The following FBXW12 variants were observed in gnomAD, a reference collection of about 807,000 sequenced individuals.
The protein encoded by FBXW12 is F-box and WD repeat domain containing 12, also known as F-box/WD repeat-containing protein 12.
Under a neutral mutation model 55.3 loss-of-function variants are expected in FBXW12, and 43 were observed. That is an observed-to-expected ratio of 0.78 (90% CI 0.61 to 1.00). The LOEUF (loss-of-function observed/expected upper bound fraction) is 1.00, where lower values mean the gene tolerates loss of function less well. FBXW12 is among the 50% of genes least tolerant of loss of function. The pLI, the probability that FBXW12 is intolerant of heterozygous loss-of-function variation, is 0.00. For missense variants in FBXW12, 524 were observed against 560.5 expected (o/e 0.93, Z 0.66); for synonymous variants, 184 against 203.8 (o/e 0.90, Z 0.83).
chr3:48,390,254 C>G (rs1371962513), intron 10 of FBXW12, among the ~76,000 whole-genome samples: 1 of 151,822 alleles, frequency 6.6e-6, no homozygotes, highest in Non-Finnish European at 1.5e-5. Flanking sequence ...TTTTCTAGTT[C>G]TGTGAAAAAT....
chr3:48,382,981 A>C (rs2036799363), intron 10 of FBXW12, among the ~76,000 whole-genome samples: 1 of 152,246 alleles, frequency 6.6e-6, no homozygotes, highest in African/African-American at 2.4e-5. Context: ...GTGATAGTCA[A>C]GAGCTGGAAG....
chr3:48,381,229 A>G (rs1396033693), intron 8 of FBXW12, among the ~76,000 whole-genome samples: 3 of 152,006 alleles, frequency 2.0e-5, no homozygotes, highest in Non-Finnish European at 4.4e-5. Flanking sequence ...TCACCCTGTT[A>G]GCCAGGATGG....
At position 48,374,329 on chromosome 3, in the gene FBXW12, A is replaced by ATTTT. The variant is rs35433340; in HGVS notation, c.286+637_286+640dup. On this transcript the variant is annotated intron_variant, in intron 4 of 10. Transcript: ENST00000296438. Reference sequence around the variant, plus strand: ...AGGGGTACACCACCACAACCAGTTGATTTTTTTTTTTTTTTTGAGGTTGAG... The same window carrying ATTTT: ...AGGGGTACACCACCACAACCAGTTGATTTTTTTTTTTTTTTTTTTTGAGGTTGAG... 8.8e-3 allele frequency among the ~76,000 whole-genome samples: 1,219 copies of ATTTT among 137,888 alleles called. 24 individuals are homozygous for ATTTT. Among genetic ancestry groups the ATTTT allele is most frequent in the African/African-American group, 0.031 (1,121 of 36,636 alleles). The allele number at this position is 137,888 out of a possible 152,430, so 90.5% of individuals were successfully genotyped here. A position where few individuals can be genotyped will look rare whatever the true frequency, so the allele number is the denominator to read the frequency against.
chr3:48,381,250 C>T (rs2107162426), intron 8 of FBXW12, among the ~76,000 whole-genome samples: 2 of 152,178 alleles, frequency 1.3e-5, no homozygotes, highest in East Asian at 3.9e-4. Context: ...TCTCAATCTC[C>T]TGACCTCATG....
chr3:48,383,615 C>T (rs2036808196), intron 10 of FBXW12, among the ~76,000 whole-genome samples: 1 of 152,102 alleles, frequency 6.6e-6, no homozygotes, highest in Admixed American at 6.5e-5. Context: ...AATGACTGGG[C>T]TTGGGGGATT....
chr3:48,394,108 C>T (rs979262286), intron 10 of FBXW12, among the ~76,000 whole-genome samples: 1 of 151,704 alleles, frequency 6.6e-6, no homozygotes, highest in African/African-American at 2.4e-5. Flanking sequence ...ATTAGCTGGG[C>T]GTGGTGGTGC....
At chr3:48,385,293 C>T (rs979433628) in intron 10 of FBXW12, among the ~76,000 whole-genome samples, 1 of 152,008 alleles carries the variant, frequency 6.6e-6, no homozygotes, top group African/African-American at 2.4e-5. Flanking sequence ...CATGCTGTTG[C>T]ACGTGACAAG....
At chr3:48,394,517 C>T (rs758078219) in intron 10 of FBXW12, 43 bp from the exon 11 acceptor site, 5 of 1,143,820 alleles carry the variant, frequency 4.4e-6, no homozygotes, top group Non-Finnish European at 6.5e-6. Context: ...GATGTACCTA[C>T]TTTCTCTTTT....
At chr3:48,383,465 C>T (rs1425781914) in intron 10 of FBXW12, among the ~76,000 whole-genome samples, 1 of 151,936 alleles carries the variant, frequency 6.6e-6, no homozygotes, top group African/African-American at 2.4e-5. Flanking sequence ...TTTTGATAGT[C>T]CTTTATATAT....
intron 10 of FBXW12, 64 bp from the exon 11 acceptor site, chr3:48,394,496 T>C (rs1452887118): frequency 1.2e-5 from 11 of 898,088 alleles, no homozygotes; most frequent in Non-Finnish European, 2.0e-5. Context: ...TCTAAGTCAG[T>C]ATTAACAATG....
chr3:48,373,368 G>A, intron 3 of FBXW12, 23 bp downstream of exon 3: 1 of 1,614,192 alleles, frequency 6.2e-7, no homozygotes, highest in Middle Eastern at 1.7e-4. Flanking sequence ...AAAGGGCAAG[G>A]AGGGAAGGGG....
Position 48,373,660 on chromosome 3 carries a change from T to C in FBXW12, c.241T>C (p.Leu81=). Residue 81 remains leucine, a synonymous_variant, in exon 4 of 11, where the codon TTG becomes CTG. Transcript: ENST00000296438. ...HQRRKELRLA[L]AQPHNFIYKV... ...AAGAAGGAAGGAGCTTCGGTTGGCATTGGCACAGCCGCATAACTTTATCTA... is the reference window on the plus strand; with the variant it reads ...AAGAAGGAAGGAGCTTCGGTTGGCACTGGCACAGCCGCATAACTTTATCTA... The C allele has an allele frequency of 1.2e-6, 2 of 1,614,222 alleles. No individual in the cohort carries two copies. The highest frequency in any genetic ancestry group is 1.7e-6 in the Non-Finnish European group (2 of 1,180,042).
chr3:48,373,165 C>T, intron 2 of FBXW12, 143 bp from the exon 3 acceptor site: 1 of 1,241,114 alleles, frequency 8.1e-7, no homozygotes, highest in Non-Finnish European at 1.2e-6. Context: ...CCTTATCTCC[C>T]CACACTGAGA....
At chr3:48,388,895 A>G (rs1272246249) in intron 10 of FBXW12, among the ~76,000 whole-genome samples, 4 of 152,198 alleles carry the variant, frequency 2.6e-5, no homozygotes, top group African/African-American at 9.7e-5. Context: ...TCTTTGAGCT[A>G]TTCTGAAATA....
intron 8 of FBXW12, among the ~76,000 whole-genome samples, chr3:48,381,422 T>C (rs368038587): frequency 2.4e-4 from 36 of 152,184 alleles, no homozygotes; most frequent in East Asian, 1.9e-3. Flanking sequence ...GGCGAACACA[T>C]ATAGATTTCC....
At chr3:48,374,950 A>G (rs935876327) in intron 4 of FBXW12, among the ~76,000 whole-genome samples, 3 of 151,948 alleles carry the variant, frequency 2.0e-5, no homozygotes, top group Non-Finnish European at 2.9e-5. Context: ...TTTTTAGTAG[A>G]GACAGGTTTA....
chr3:48,381,045 C>G (rs1230332206), intron 8 of FBXW12, 133 bp downstream of exon 8: 1 of 639,318 alleles, frequency 1.6e-6, no homozygotes, highest in African/African-American at 2.1e-5. Context: ...TTTTTTGAGA[C>G]GGAGTCTTGC....
At chr3:48,392,110 G>C (rs2036936876) in intron 10 of FBXW12, among the ~76,000 whole-genome samples, 1 of 152,096 alleles carries the variant, frequency 6.6e-6, no homozygotes, top group Non-Finnish European at 1.5e-5. Context: ...ATGTATGTCA[G>C]TACCATGCTG....
At chr3:48,389,235 G>GT (rs1243295659) in intron 10 of FBXW12, among the ~76,000 whole-genome samples, 1 of 152,064 alleles carries the variant, frequency 6.6e-6, no homozygotes, top group Non-Finnish European at 1.5e-5. Context: ...TAATGGGTTT[G>GT]TTTTTTACTT....
Sources: allele counts gnomAD v4.1 joint callset (sites outside exome capture counted in the v4.1 genomes callset), GRCh38; gene constraint gnomAD v4.1.1; transcripts MANE v1.5; gene names NCBI Gene and HGNC (gene_info 2026-07-23, HGNC 2026-07-21).